PDE7B: variants seen among roughly 807,000 people sequenced by gnomAD.
PDE7B encodes 3',5'-cyclic-AMP phosphodiesterase 7B.
In PDE7B, 29 loss-of-function variants were observed where a neutral mutation model predicts 56.2. The observed-to-expected ratio is 0.52, with a 90% CI of 0.38 to 0.70. The LOEUF is 0.70. PDE7B is among the 30% of genes least tolerant of loss of function. The pLI is 0.00. For missense variants in PDE7B, 490 were observed against 565.0 expected (o/e 0.87, Z 1.35); for synonymous variants, 197 against 196.9 (o/e 1.00, Z 0.00).
chr6:136,044,842 T>C (rs1776474144), intron 2 of PDE7B: 1 of 152,162 alleles, frequency 6.6e-6, no homozygotes, highest in Admixed American at 6.5e-5. Context: ...GCCCTACGAA[T>C]GAGCTTTTGA....
chr6:136,171,703 T>G (rs964566116), intron 8 of PDE7B, among the ~76,000 whole-genome samples: 1 of 149,494 alleles, frequency 6.7e-6, no homozygotes, highest in Non-Finnish European at 1.5e-5. Context: ...TAGTTACATA[T>G]GTATACATGT....
At position 136,191,803 on chromosome 6, in the gene PDE7B, G is replaced by T; in HGVS notation, c.1316G>T (p.Gly439Val). ...SGPDHDHAGQ[G>V]TESEEQEGDS... Reference sequence around the variant, plus strand: ...CCTGACCACGACCACGCAGGCCAAGGGACTGAGAGCGAGGAGCAGGAAGGC... The same window carrying T: ...CCTGACCACGACCACGCAGGCCAAGTGACTGAGAGCGAGGAGCAGGAAGGC... The change falls in exon 13 of 13, where the codon GGG becomes GTG. Residue 439 changes from glycine (G) to valine (V), a missense_variant. Physicochemically the swap from Gly to Val is moderately radical, Grantham distance 109. Transcript: ENST00000308191. The T allele has an allele frequency of 6.4e-7, 1 of 1,560,534 alleles. No homozygotes were observed. The highest frequency in any genetic ancestry group is 8.7e-7 in the Non-Finnish European group (1 of 1,152,916).
intron 2 of PDE7B, among the ~76,000 whole-genome samples, chr6:135,952,590 T>C (rs1774721948): frequency 6.6e-6 from 1 of 152,068 alleles, no homozygotes; most frequent in South Asian, 2.1e-4. Flanking sequence ...GAAATAAAGA[T>C]AAACTACACT....
At chr6:135,977,183 C>G (rs537216800) in intron 2 of PDE7B, among the ~76,000 whole-genome samples, 40 of 152,200 alleles carry the variant, frequency 2.6e-4, no homozygotes, top group African/African-American at 8.9e-4. Flanking sequence ...GTTAAGACAA[C>G]AGTAATGGCC....
intron 3 of PDE7B, among the ~76,000 whole-genome samples, chr6:136,118,559 G>A (rs574981156): frequency 2.0e-5 from 3 of 152,348 alleles, no homozygotes; most frequent in South Asian, 4.1e-4. Flanking sequence ...GAGACTGAAA[G>A]AGGAGAAATA....
At chr6:135,889,063 AT>A (rs1775760146) in intron 1 of PDE7B, among the ~76,000 whole-genome samples, 1 of 152,174 alleles carries the variant, frequency 6.6e-6, no homozygotes. Flanking sequence ...TATAAATGGA[AT>A]CTTTTACTCA....
intron 1 of PDE7B, among the ~76,000 whole-genome samples, chr6:135,883,889 G>T (rs891372716): frequency 2.6e-5 from 4 of 152,302 alleles, no homozygotes; most frequent in Admixed American, 6.5e-5. Flanking sequence ...ATCAGGTTCT[G>T]CCCAGCCTTG....
intron 2 of PDE7B, among the ~76,000 whole-genome samples, chr6:136,096,879 GTCTC>G (rs1345452007): frequency 1.3e-5 from 2 of 151,854 alleles, no homozygotes; most frequent in Non-Finnish European, 2.9e-5. Context: ...CTCTCTCTGT[GTCTC>G]TCTCTCACTC....
At chr6:135,885,932 A>G (rs1583738169) in intron 1 of PDE7B, among the ~76,000 whole-genome samples, 1 of 152,182 alleles carries the variant, frequency 6.6e-6, no homozygotes, top group Non-Finnish European at 1.5e-5. Context: ...CATTTTGATC[A>G]TGTGTAAAAA....
intron 2 of PDE7B, among the ~76,000 whole-genome samples, chr6:136,013,198 C>A (rs1420389710): frequency 1.3e-5 from 2 of 151,808 alleles, no homozygotes; most frequent in Non-Finnish European, 2.9e-5. Context: ...CTAAGACAGG[C>A]CAAGGTATTT....
chr6:136,005,636 A>G (rs1377932857), intron 2 of PDE7B, among the ~76,000 whole-genome samples: 2 of 152,238 alleles, frequency 1.3e-5, no homozygotes, highest in Non-Finnish European at 2.9e-5. Context: ...AGAGAAATGC[A>G]AATCAAAACC....
At chr6:135,925,560 C>G (rs1293790937) in intron 1 of PDE7B, among the ~76,000 whole-genome samples, 1 of 151,868 alleles carries the variant, frequency 6.6e-6, no homozygotes. Context: ...TCAGTGAAAA[C>G]GAATTTTTGC....
chr6:135,971,069 G>A (rs1432306130), intron 2 of PDE7B, among the ~76,000 whole-genome samples: 2 of 152,034 alleles, frequency 1.3e-5, no homozygotes, highest in African/African-American at 4.8e-5. Context: ...CTATTCCCCC[G>A]TACCTCAGAA....
chr6:136,184,844 AG>A lies in PDE7B; in HGVS notation c.1046-2187del, dbSNP rs556392305. ...CCAGACCAGGTTAAAGCAGAGTGAAAGGGGGCAAAAAAAGTTCTTCTAAGAG... is the reference window on the plus strand; with the variant it reads ...CCAGACCAGGTTAAAGCAGAGTGAAAGGGGCAAAAAAAGTTCTTCTAAGAG... On this transcript the variant is annotated intron_variant, in intron 11 of 12. Coordinates refer to ENST00000308191, the MANE Select transcript of PDE7B (RefSeq NM_018945.4). Among the ~76,000 whole-genome samples the A allele has an allele frequency of 9.3e-4, 141 of 152,312 alleles. 2 individuals carry two copies. Among genetic ancestry groups the A allele is most frequent in the African/African-American group, 3.1e-3 (129 of 41,576 alleles).
intron 11 of PDE7B, among the ~76,000 whole-genome samples, chr6:136,183,790 A>C (rs933095476): frequency 6.6e-6 from 1 of 152,096 alleles, no homozygotes; most frequent in African/African-American, 2.4e-5. Context: ...AGGCTTCCAC[A>C]GACTACTAAC....
intron 1 of PDE7B, among the ~76,000 whole-genome samples, chr6:135,935,190 T>TTATATATATATCTA (rs1554268030): frequency 2.8e-5 from 1 of 36,192 alleles, no homozygotes; most frequent in Non-Finnish European, 4.6e-5. Context: ...ATATATTTAT[T>TTATATATATATCTA]TATATATATA....
intron 2 of PDE7B, among the ~76,000 whole-genome samples, chr6:136,086,817 G>A (rs1337466074): frequency 1.3e-5 from 2 of 152,206 alleles, no homozygotes; most frequent in Non-Finnish European, 2.9e-5. Flanking sequence ...GAGAATGTCA[G>A]TAAGTAAAGC....
chr6:136,110,712 ATT>A (rs10708902), intron 3 of PDE7B, among the ~76,000 whole-genome samples: 137 of 126,742 alleles, frequency 1.1e-3, no homozygotes, highest in African/African-American at 1.7e-3. Flanking sequence ...ATTCTGCAAC[ATT>A]TTTTTTTTTT....
intron 2 of PDE7B, among the ~76,000 whole-genome samples, chr6:136,010,412 T>C (rs9389359): frequency 7.3e-5 from 10 of 137,904 alleles, no homozygotes; most frequent in Non-Finnish European, 1.2e-4. Context: ...TTTTTTTTGG[T>C]TTTGTTTTTT....
Sources: allele counts gnomAD v4.1 joint callset (sites outside exome capture counted in the v4.1 genomes callset), GRCh38; gene constraint gnomAD v4.1.1; transcripts MANE v1.5; gene names NCBI Gene and HGNC (gene_info 2026-07-23, HGNC 2026-07-21).